The following PTK2B variants were observed in gnomAD, a reference collection of about 807,000 sequenced individuals.
PTK2B encodes protein tyrosine kinase 2 beta.
PTK2B carries 71 observed loss-of-function variants against 142.9 expected under a neutral mutation model. The observed-to-expected ratio is 0.50, with a 90% CI of 0.41 to 0.61. The LOEUF is 0.61. PTK2B is among the 20% of genes least tolerant of loss of function. PTK2B has a pLI of 0.00. For synonymous variants in PTK2B, 519 were observed against 503.4 expected (o/e 1.03, Z -0.42); for missense variants, 1,105 against 1,320.4 (o/e 0.84, Z 2.53).
chr8:27,440,104 C>G, intron 20 of PTK2B, 133 bp from the exon 21 acceptor site: 1 of 884,156 alleles, frequency 1.1e-6, no homozygotes, highest in Admixed American at 2.2e-5. Context: ...AGGCAGGACC[C>G]CAGGGTGCTG....
chr8:27,376,236 A>G (rs965877396), intron 1 of PTK2B, among the ~76,000 whole-genome samples: 1 of 152,224 alleles, frequency 6.6e-6, no homozygotes, highest in African/African-American at 2.4e-5. Context: ...GGCAGGACCA[A>G]TAGGCTTGGC....
At chr8:27,350,837 T>A (rs1377005639) in intron 1 of PTK2B, among the ~76,000 whole-genome samples, 3 of 149,788 alleles carry the variant, frequency 2.0e-5, no homozygotes, top group Admixed American at 2.0e-4. Context: ...AATTAGGGTG[T>A]TGGTGGCACA....
chr8:27,433,993 A>G, intron 11 of PTK2B, 100 bp from the exon 12 acceptor site: 2 of 1,421,724 alleles, frequency 1.4e-6, no homozygotes, highest in Non-Finnish European at 2.0e-6. Flanking sequence ...AGGGGCTGGG[A>G]TGGGAGGAGA....
chr8:27,386,509 T>G (rs1351380069), intron 1 of PTK2B, among the ~76,000 whole-genome samples: 1 of 152,214 alleles, frequency 6.6e-6, no homozygotes, highest in Non-Finnish European at 1.5e-5. Context: ...AAAGTTGTTT[T>G]TATTAGCATT....
In PTK2B at chr8:27,458,518, G is replaced by A. The variant is rs773023418; in HGVS notation, c.*9G>A. ...ACCCACCTGCAGAGTGACGGAGGGT[G>A]GGGGCCACCTGCCTGCGTCTTCCGC... On this transcript the variant is annotated 3_prime_UTR_variant, in exon 31 of 31. Coordinates refer to ENST00000346049, the MANE Select transcript of PTK2B (RefSeq NM_173176.3). 5 of 1,557,650 alleles carry A rather than the reference G, an allele frequency of 3.2e-6. No homozygotes were observed. Among genetic ancestry groups the A allele is most frequent in the African/African-American group, 1.4e-5 (1 of 73,382 alleles).
At chr8:27,325,761 A>T (rs1803371048) in intron 1 of PTK2B, 80 bp downstream of exon 1, 1 of 152,322 alleles carries the variant, frequency 6.6e-6, no homozygotes, top group African/African-American at 2.4e-5. Flanking sequence ...GGGGTTGGGG[A>T]CAATTCCGGG....
In PTK2B at chr8:27,451,524, CCTT is replaced by C. The variant is rs745923818; in HGVS notation, c.2548+20_2548+22del. The stretch of plus-strand genomic sequence containing the variant: ...GGTCGGCTACCGTGAGTGTTCCCGC[CCTT>C]CTTCGGGGGGTTTCCTCTTGGCACC... On this transcript the variant is annotated intron_variant, in intron 27 of 30. Coordinates refer to ENST00000346049, the MANE Select transcript of PTK2B (RefSeq NM_173176.3). The C allele has an allele frequency of 3.6e-4, 573 of 1,614,010 alleles. No homozygotes were observed. Among genetic ancestry groups the C allele is most frequent in the Non-Finnish European group, 3.1e-4 (368 of 1,180,034 alleles).
At chr8:27,451,629 G>A (rs1811823292) in intron 27 of PTK2B, 120 bp downstream of exon 27, 1 of 1,556,812 alleles carries the variant, frequency 6.4e-7, no homozygotes, top group Non-Finnish European at 8.7e-7. Context: ...TGCAGCATCG[G>A]CCATGATTTA....
At position 27,439,367 on chromosome 8, in the gene PTK2B, C is replaced by G. The variant is rs746579197; in HGVS notation, c.1803C>G (p.Arg601=). 6.2e-7 allele frequency: 1 copy of G among 1,614,086 alleles called. No individual in the cohort carries two copies. Among genetic ancestry groups the G allele is most frequent in the African/African-American group, 1.3e-5 (1 of 75,038 alleles). ...CCCCAGAGTCCATTAACTTCCGACG[C>G]TTCACGACAGCCAGTGACGTCTGGA... The part of the protein sequence containing the change: ...WMSPESINFR[R]FTTASDVWMF... The change falls in exon 20 of 31, where the codon CGC becomes CGG. Residue 601 remains arginine, a synonymous_variant. Coordinates refer to ENST00000346049, the MANE Select transcript of PTK2B (RefSeq NM_173176.3).
chr8:27,352,980 A>G (rs1427758781), intron 1 of PTK2B, among the ~76,000 whole-genome samples: 2 of 152,238 alleles, frequency 1.3e-5, no homozygotes, highest in Non-Finnish European at 2.9e-5. Flanking sequence ...AGCATTTTAC[A>G]TAACAAGAAC....
At chr8:27,371,139 C>T (rs1806331632) in intron 1 of PTK2B, among the ~76,000 whole-genome samples, 1 of 152,144 alleles carries the variant, frequency 6.6e-6, no homozygotes, top group Non-Finnish European at 1.5e-5. Context: ...AAGTGATACA[C>T]CCGCCTCAGC....
chr8:27,343,108 A>T (rs1162091250), intron 1 of PTK2B, among the ~76,000 whole-genome samples: 1 of 152,120 alleles, frequency 6.6e-6, no homozygotes, highest in Admixed American at 6.5e-5. Flanking sequence ...CCACCCCCAG[A>T]GCTGTATTAA....
At chr8:27,330,003 G>T (rs35575787) in intron 1 of PTK2B, among the ~76,000 whole-genome samples, 8,135 of 152,176 alleles carry the variant, frequency 0.053, 293 homozygotes, top group Non-Finnish European at 0.089. Flanking sequence ...TCTGAGCAGC[G>T]TCAGAGAGGC....
intron 21 of PTK2B, among the ~76,000 whole-genome samples, chr8:27,442,136 G>T (rs3736524): frequency 1.3e-5 from 2 of 152,220 alleles, no homozygotes; most frequent in African/African-American, 2.4e-5. Context: ...GAGTGTCTCT[G>T]TGTAACAATA....
At chr8:27,420,524 A>C in intron 3 of PTK2B, 133 bp from the exon 4 acceptor site, 1 of 815,098 alleles carries the variant, frequency 1.2e-6, no homozygotes, top group African/African-American at 1.7e-5. Flanking sequence ...GCCCTGAATG[A>C]GTGGCCACGA....
chr8:27,388,030 G>A (rs1429754044), intron 1 of PTK2B, among the ~76,000 whole-genome samples: 7 of 152,106 alleles, frequency 4.6e-5, no homozygotes, highest in African/African-American at 1.4e-4. Flanking sequence ...ATTAAAAGGC[G>A]TGAACAGGAA....
chr8:27,430,888 C>T lies in PTK2B; in HGVS notation c.682C>T (p.Arg228Trp). The stretch of plus-strand genomic sequence containing the variant: ...TCCCCTCCCCCAGCCCAAACAGTTC[C>T]GGAAGATGATCCAGCAGACCTTCCA... ...MQENLKPKQF[R>W]KMIQQTFQQY... The change falls in exon 8 of 31, where the codon CGG becomes TGG. Residue 228 changes from arginine (R) to tryptophan (W), a missense_variant. Coordinates refer to ENST00000346049, the MANE Select transcript of PTK2B (RefSeq NM_173176.3). 1 of 1,613,944 alleles carries T rather than the reference C, an allele frequency of 6.2e-7. No individual in the cohort carries two copies. The highest frequency in any genetic ancestry group is 8.5e-7 in the Non-Finnish European group (1 of 1,179,926).
chr8:27,352,832 TG>T, intron 1 of PTK2B, among the ~76,000 whole-genome samples: 1 of 152,366 alleles, frequency 6.6e-6, no homozygotes, highest in South Asian at 2.1e-4. Flanking sequence ...TCCCTAGCCA[TG>T]TGGAACTGTA....
At chr8:27,368,450 G>T (rs999815781) in intron 1 of PTK2B, among the ~76,000 whole-genome samples, 3 of 151,866 alleles carry the variant, frequency 2.0e-5, no homozygotes, top group East Asian at 3.9e-4. Context: ...CCCTCACCTT[G>T]CCCACTGGCT....
Sources: allele counts gnomAD v4.1 joint callset (sites outside exome capture counted in the v4.1 genomes callset), GRCh38; gene constraint gnomAD v4.1.1; transcripts MANE v1.5; gene names NCBI Gene and HGNC (gene_info 2026-07-23, HGNC 2026-07-21).